RAP1GAP: variants seen among roughly 807,000 people sequenced by gnomAD.
RAP1GAP encodes rap1 GTPase-activating protein 1.
In RAP1GAP, 35 loss-of-function variants were observed where a neutral mutation model predicts 87.2. The ratio of observed to expected loss-of-function variants is 0.40; its 90% CI spans 0.31 to 0.53. The LOEUF is 0.53. Ranked by LOEUF, RAP1GAP falls within the 20% of genes least tolerant of loss-of-function variation. The pLI is 0.48. For synonymous variants in RAP1GAP, 375 were observed against 363.9 expected (o/e 1.03, Z -0.35); for missense variants, 734 against 898.9 (o/e 0.82, Z 2.35).
rs201625433 is a variant in RAP1GAP, at chr1:21,636,835, GGAA to G, written c.-112-10441_-112-10439del. 2.7e-3 allele frequency among the ~76,000 whole-genome samples: 405 copies of G among 148,908 alleles called. 2 individuals are homozygous for G. The highest frequency in any genetic ancestry group is 8.8e-3 in the African/African-American group (355 of 40,240). On this transcript the variant is annotated intron_variant, in intron 2 of 24. Transcript: ENST00000374765. The stretch of plus-strand genomic sequence containing the variant: ...ATAGAAAGAAAGAAAGAGAGAGAAA[GGAA>G]GAAGAAGAAGAAGGAGGAGGAGGAG...
chr1:21,626,169 G>A (rs2091946295), intron 3 of RAP1GAP, 135 bp downstream of exon 3: 1 of 758,402 alleles, frequency 1.3e-6, no homozygotes, highest in Non-Finnish European at 2.2e-6. Flanking sequence ...AACCCCTTAG[G>A]AGCTAAACCC....
intron 13 of RAP1GAP, among the ~76,000 whole-genome samples, chr1:21,610,691 G>C (rs2077683960): frequency 6.6e-6 from 1 of 152,146 alleles, no homozygotes; most frequent in Non-Finnish European, 1.5e-5. Flanking sequence ...TCGAGCCCAG[G>C]TCTCTTGGTC....
Position 21,617,800 on chromosome 1 carries a change from C to T in RAP1GAP, c.105+134G>A, listed in dbSNP as rs913950631. ...TCAAATGGGCTCTGAGGCCTTGGGC[C>T]TGCAAATTAAGTCTCCAGCCCGCAG... On this transcript the variant is annotated intron_variant, in intron 6 of 24. Transcript: ENST00000374765. 1.9e-5 allele frequency: 25 copies of T among 1,298,352 alleles called. No individual in the cohort carries two copies. In the African/African-American group the frequency reaches 3.1e-4, roughly 16 times the overall value. The allele number at this position is 1,298,352 out of a possible 1,614,324, so 80.4% of individuals were successfully genotyped here.
In RAP1GAP at chr1:21,615,039, G is replaced by T. The variant is rs2081127081; in HGVS notation, c.292-950C>A. On this transcript the variant is annotated intron_variant, in intron 7 of 24. Coordinates refer to ENST00000374765, the MANE Select transcript of RAP1GAP (RefSeq NM_002885.4). The surrounding 1 kb of genome is among the most constrained non-coding windows in gnomAD (Gnocchi z 4.5). Reference sequence around the variant, plus strand: ...ACCTGGGGCAGAGTCCCCCAGCTCTGCCTGGGCACAGAGTGGCAGAAACCC... The same window carrying T: ...ACCTGGGGCAGAGTCCCCCAGCTCTTCCTGGGCACAGAGTGGCAGAAACCC... 6.6e-6 allele frequency among the ~76,000 whole-genome samples: 1 copy of T among 152,222 alleles called. No homozygotes were observed. The highest frequency in any genetic ancestry group is 2.1e-4 in the South Asian group (1 of 4,838).
At chr1:21,629,842 G>C (rs2093356259) in intron 2 of RAP1GAP, among the ~76,000 whole-genome samples, 1 of 152,206 alleles carries the variant, frequency 6.6e-6, no homozygotes, top group Non-Finnish European at 1.5e-5. Context: ...AGGCAATGAG[G>C]CAGGCCAGGC....
At chr1:21,621,296 G>A (rs1325091562) in intron 3 of RAP1GAP, among the ~76,000 whole-genome samples, 2 of 152,162 alleles carry the variant, frequency 1.3e-5, no homozygotes, top group African/African-American at 4.8e-5. Context: ...TACAAGCCCT[G>A]CCTGCCCCGG....
chr1:21,639,021 C>T (rs935357644), intron 2 of RAP1GAP, among the ~76,000 whole-genome samples: 4 of 152,264 alleles, frequency 2.6e-5, no homozygotes, highest in Non-Finnish European at 4.4e-5. Flanking sequence ...AGAGGCAGCA[C>T]AGAAGTGGCC....
chr1:21,668,571 C>A lies in RAP1GAP; in HGVS notation c.-149+683G>T, dbSNP rs1055379904. 1 of 152,492 alleles carries A rather than the reference C, an allele frequency of 6.6e-6. No homozygotes were observed. The highest frequency in any genetic ancestry group is 1.5e-5 in the Non-Finnish European group (1 of 68,270). The allele number at this position is 152,492 out of a possible 1,614,324, so 9.4% of individuals were successfully genotyped here. ...ACAAGGTTTCTTCCCCAAGCCCAGGCGCCCCGCAGCTGGCACCAAACCCTG... is the reference window on the plus strand; with the variant it reads ...ACAAGGTTTCTTCCCCAAGCCCAGGAGCCCCGCAGCTGGCACCAAACCCTG... On this transcript the variant is annotated intron_variant, in intron 1 of 24. Coordinates refer to ENST00000374765, the MANE Select transcript of RAP1GAP (RefSeq NM_002885.4). This position sits in a 1 kb window ranked among gnomAD's most constrained non-coding sequence, Gnocchi z 6.2.
At position 21,668,522 on chromosome 1, in the gene RAP1GAP, G is replaced by A. The variant is rs1056912682; in HGVS notation, c.-149+732C>T. 6.6e-6 allele frequency: 1 copy of A among 152,252 alleles called. No individual in the cohort carries two copies. Among genetic ancestry groups the A allele is most frequent in the Non-Finnish European group, 1.5e-5 (1 of 68,230 alleles). 9.4% of individuals were successfully genotyped at this position (152,252 alleles called of 1,614,324 possible). ...AGGGGGCCGCTCACCTCCGGAGACTGTGTGTGTGTGCAGGTGTGCGTACAC... is the reference window on the plus strand; with the variant it reads ...AGGGGGCCGCTCACCTCCGGAGACTATGTGTGTGTGCAGGTGTGCGTACAC... On this transcript the variant is annotated intron_variant, in intron 1 of 24. Transcript: ENST00000374765. This position sits in a 1 kb window ranked among gnomAD's most constrained non-coding sequence, Gnocchi z 6.2.
intron 5 of RAP1GAP, 135 bp downstream of exon 5, chr1:21,618,890 T>C (rs2275357): frequency 6.0e-6 from 6 of 996,554 alleles, no homozygotes; most frequent in African/African-American, 1.7e-5. Context: ...CCTCCCCCCC[T>C]ACCCCCGCAC....
At chr1:21,619,885 A>G (rs760611487) in intron 4 of RAP1GAP, 130 bp downstream of exon 4, 7 of 970,064 alleles carry the variant, frequency 7.2e-6, no homozygotes, top group Non-Finnish European at 1.1e-5. Context: ...TGGACAACCA[A>G]TAGCCACCAT....
At chr1:21,620,595 C>G (rs993436914) in intron 3 of RAP1GAP, among the ~76,000 whole-genome samples, 2 of 152,190 alleles carry the variant, frequency 1.3e-5, no homozygotes, top group Middle Eastern at 6.3e-3. Context: ...GCTACCCTCT[C>G]CCGGGTGAGC....
intron 2 of RAP1GAP, among the ~76,000 whole-genome samples, chr1:21,632,202 C>CTCT (rs2093887140): frequency 6.6e-6 from 1 of 152,156 alleles, no homozygotes; most frequent in Admixed American, 6.5e-5. Context: ...AAGGGTGAAG[C>CTCT]AAGGGTGTGG....
intron 2 of RAP1GAP, chr1:21,626,877 T>C (rs2092334057): frequency 1.1e-5 from 5 of 456,708 alleles, no homozygotes; most frequent in Non-Finnish European, 1.8e-5. Context: ...TGCCAGGCCC[T>C]GTGCTGAGCC....
In RAP1GAP at chr1:21,609,747, C is replaced by T. The variant is rs1346071494; in HGVS notation, c.1000-101G>A. ...GTGCCTCCCTGGACTGCCCCTTGGT[C>T]GGGGAGACCCAGTGACTGTGGGCTG... On this transcript the variant is annotated intron_variant, in intron 14 of 24. Coordinates refer to ENST00000374765, the MANE Select transcript of RAP1GAP (RefSeq NM_002885.4). This position sits in a 1 kb window ranked among gnomAD's most constrained non-coding sequence, Gnocchi z 4.4. 1.2e-5 allele frequency: 10 copies of T among 840,814 alleles called. No individual in the cohort carries two copies. The highest frequency in any genetic ancestry group is 5.1e-5 in the South Asian group (2 of 39,438). The allele number at this position is 840,814 out of a possible 1,614,324, so 52.1% of individuals were successfully genotyped here.
chr1:21,603,112 C>T lies in RAP1GAP; in HGVS notation c.1429-199G>A, dbSNP rs2070439241. ...AGTCCCCAGGAGGGCAAGGGGCTCT[C>T]CCGAGCTCACACGGCAGGACTGCAC... is the stretch of plus-strand genomic sequence containing the variant. On this transcript the variant is annotated intron_variant, in intron 18 of 24. Coordinates refer to ENST00000374765, the MANE Select transcript of RAP1GAP (RefSeq NM_002885.4). The surrounding 1 kb of genome is among the most constrained non-coding windows in gnomAD (Gnocchi z 6.0). 3 of 569,626 alleles carry T rather than the reference C, an allele frequency of 5.3e-6. No homozygotes were observed. In the South Asian group the frequency reaches 6.5e-5, roughly 12 times the overall value. 35.3% of individuals were successfully genotyped at this position (569,626 alleles called of 1,614,324 possible).
In RAP1GAP at chr1:21,608,332, G is replaced by C. The variant is rs771755659; in HGVS notation, c.1177C>G (p.Leu393Val). The C allele has an allele frequency of 1.2e-6, 2 of 1,613,258 alleles. No homozygotes were observed. Among genetic ancestry groups the C allele is most frequent in the East Asian group, 4.5e-5 (2 of 44,880 alleles). The change falls in exon 17 of 25, where the codon CTC (leucine) becomes GTC (valine). Residue 393 changes from leucine (L) to valine (V), a missense_variant. Coordinates refer to ENST00000374765, the MANE Select transcript of RAP1GAP (RefSeq NM_002885.4). ...AGTTCCTCATAGAGCGTCTCCAGGAGGGCGGCCCGCGTCCGCTCCTGTGGG... is the reference window on the plus strand; with the variant it reads ...AGTTCCTCATAGAGCGTCTCCAGGACGGCGGCCCGCGTCCGCTCCTGTGGG... ...AKLEERTRAA[L>V]LETLYEELHI...
intron 1 of RAP1GAP, chr1:21,651,547 A>G (rs372878284): frequency 1.2e-5 from 8 of 678,028 alleles, no homozygotes; most frequent in East Asian, 3.1e-5. Flanking sequence ...CTCCCCACAC[A>G]TGCACATGGA....
chr1:21,632,220 G>T (rs2093894724), intron 2 of RAP1GAP, among the ~76,000 whole-genome samples: 1 of 152,150 alleles, frequency 6.6e-6, no homozygotes, highest in South Asian at 2.1e-4. Context: ...TGGGGGAAGG[G>T]CCCAGCTCCT....
Sources: gnomAD v4.1 joint callset for allele counts (sites outside exome capture counted in the v4.1 genomes callset) on GRCh38, gnomAD v4.1.1 for gene constraint, Gnocchi (gnomAD v3.1) non-coding constraint, MANE v1.5 for transcripts, NCBI Gene and HGNC (gene_info 2026-07-23, HGNC 2026-07-21) for gene names.